AOAH: variants seen among roughly 807,000 people sequenced by gnomAD.
The protein encoded by AOAH is acyloxyacyl hydrolase (neutrophil).
AOAH carries 64 observed loss-of-function variants against 92.2 expected under a neutral mutation model. That is an observed-to-expected ratio of 0.69 (90% CI 0.57 to 0.86). The LOEUF is 0.86. Among genes scored for constraint, AOAH ranks in the 40% least tolerant of loss-of-function variants. AOAH has a pLI of 0.00. For missense variants in AOAH, 656 were observed against 694.6 expected, an observed-to-expected ratio of 0.94 and a Z score of 0.62; for synonymous variants, 263 against 254.5, an observed-to-expected ratio of 1.03 and a Z score of -0.32.
chr7:36,618,023 C>G (rs1405178907), intron 10 of AOAH, among the ~76,000 whole-genome samples: 1 of 152,182 alleles, frequency 6.6e-6, no homozygotes, highest in African/African-American at 2.4e-5. Flanking sequence ...TCCCATTGCT[C>G]TTTTATCCAT....
At chr7:36,621,859 G>C in intron 7 of AOAH, 79 bp from the exon 8 acceptor site, 1 of 1,230,282 alleles carries the variant, frequency 8.1e-7, no homozygotes, top group Non-Finnish European at 1.2e-6. Flanking sequence ...AGAGTTGTCT[G>C]AATGGCATTG....
chr7:36,601,319 C>T (rs1790566838), intron 11 of AOAH, among the ~76,000 whole-genome samples: 2 of 151,940 alleles, frequency 1.3e-5, no homozygotes, highest in Non-Finnish European at 2.9e-5. Context: ...TCCCTGTGGC[C>T]CTATGATTCA....
At chr7:36,568,396 A>AT (rs1787864832) in intron 13 of AOAH, among the ~76,000 whole-genome samples, 1 of 152,172 alleles carries the variant, frequency 6.6e-6, no homozygotes, top group Non-Finnish European at 1.5e-5. Flanking sequence ...AAAAAGGCAC[A>AT]TTTTGCAGGG....
At chr7:36,640,805 C>T (rs533478347) in intron 4 of AOAH, among the ~76,000 whole-genome samples, 12 of 152,176 alleles carry the variant, frequency 7.9e-5, no homozygotes, top group Non-Finnish European at 1.3e-4. Context: ...CTGGCTCCAA[C>T]CCTGGGCATC....
intron 15 of AOAH, among the ~76,000 whole-genome samples, chr7:36,546,010 G>T (rs904747307): frequency 6.6e-6 from 1 of 152,242 alleles, no homozygotes; most frequent in Admixed American, 6.5e-5. Context: ...TAGGAAAAGC[G>T]CAAAGGAAGC....
In AOAH at chr7:36,530,399, C is replaced by T. The variant is rs1475079124; in HGVS notation, c.1522+19G>A. On this transcript the variant is annotated intron_variant, in intron 19 of 20. Transcript: ENST00000617537. ...CTGCTGCTTTCATCTTCTGTCAATA[C>T]CCAAACAAAGCTACTTACTTTCATG... 24 of 1,559,514 alleles carry T rather than the reference C, an allele frequency of 1.5e-5. No homozygotes were observed. The highest frequency in any genetic ancestry group is 1.9e-5 in the Non-Finnish European group (22 of 1,130,634).
In AOAH at chr7:36,626,158, G is replaced by A. The variant is rs56175263; in HGVS notation, c.522-2908C>T. 4.1e-3 allele frequency among the ~76,000 whole-genome samples: 631 copies of A among 152,192 alleles called. 1 individual carries two copies. Among genetic ancestry groups the A allele is most frequent in the Non-Finnish European group, 6.9e-3 (467 of 68,026 alleles). On this transcript the variant is annotated intron_variant, in intron 6 of 20. Coordinates refer to ENST00000617537, the MANE Select transcript of AOAH (RefSeq NM_001637.4). ...ATAAAGAAAGAGAGCAAGAGCAAGA[G>A]ACAAAGACAGACAGATCAACAGAGA...
chr7:36,516,180 A>C lies in AOAH; in HGVS notation c.1600-2800T>G, dbSNP rs1248183696. 6.7e-6 allele frequency among the ~76,000 whole-genome samples: 1 copy of C among 148,640 alleles called. No individual in the cohort carries two copies. Among genetic ancestry groups the C allele is most frequent in the Non-Finnish European group, 1.5e-5 (1 of 66,890 alleles). Reference sequence around the variant, plus strand: ...ACACACACCACACACCCCATACCACACATACATACATCTCTCTTATATACA... The same window carrying C: ...ACACACACCACACACCCCATACCACCCATACATACATCTCTCTTATATACA... On this transcript the variant is annotated intron_variant, in intron 20 of 20. Transcript: ENST00000617537. The surrounding 1 kb of genome is among the most constrained non-coding windows in gnomAD (Gnocchi z 5.0).
At chr7:36,584,743 T>C (rs73344653) in intron 12 of AOAH, among the ~76,000 whole-genome samples, 36,068 of 152,114 alleles carry the variant, frequency 0.24, 5,428 homozygotes, top group African/African-American at 0.42. Flanking sequence ...CATCATGCAG[T>C]TGCTAATTCA....
At chr7:36,575,591 G>A (rs1029263118) in intron 13 of AOAH, among the ~76,000 whole-genome samples, 2 of 152,150 alleles carry the variant, frequency 1.3e-5, no homozygotes, top group South Asian at 4.1e-4. Flanking sequence ...GTCTGTTGTT[G>A]AAAGGATTAA....
chr7:36,568,417 G>C (rs17170635), intron 13 of AOAH, among the ~76,000 whole-genome samples: 1 of 151,888 alleles, frequency 6.6e-6, no homozygotes, highest in East Asian at 1.9e-4. Context: ...AAATATTTTG[G>C]TGCCTCTCAA....
intron 6 of AOAH, among the ~76,000 whole-genome samples, chr7:36,628,676 G>A (rs1208700018): frequency 6.6e-6 from 1 of 152,178 alleles, no homozygotes; most frequent in Non-Finnish European, 1.5e-5. Flanking sequence ...CGCGTCCCTG[G>A]GGTGGAGACA....
At chr7:36,666,907 C>G (rs1469917160) in intron 3 of AOAH, among the ~76,000 whole-genome samples, 1 of 152,046 alleles carries the variant, frequency 6.6e-6, no homozygotes, top group East Asian at 1.9e-4. Flanking sequence ...TAGTTTAATA[C>G]CAATGTTATC....
At chr7:36,723,487 G>A (rs767746755) in intron 1 of AOAH, among the ~76,000 whole-genome samples, 5 of 152,298 alleles carry the variant, frequency 3.3e-5, no homozygotes, top group Admixed American at 1.3e-4. Flanking sequence ...AGTCCTTACT[G>A]TGTGCACATG....
At chr7:36,636,470 A>G (rs997434232) in intron 5 of AOAH, among the ~76,000 whole-genome samples, 10 of 152,244 alleles carry the variant, frequency 6.6e-5, no homozygotes, top group Non-Finnish European at 1.0e-4. Context: ...AGAATAAAAT[A>G]CCAATTGTAT....
chr7:36,693,309 A>C (rs1343225435), intron 1 of AOAH, among the ~76,000 whole-genome samples: 2 of 152,230 alleles, frequency 1.3e-5, no homozygotes, highest in Non-Finnish European at 2.9e-5. Flanking sequence ...TAAATATTAC[A>C]GTGGAACTGT....
At position 36,622,812 on chromosome 7, in the gene AOAH, G is replaced by A. The variant is rs542817152; in HGVS notation, c.582+378C>T. ...TGTAATCCCAGCACTTTGGGAGGCC[G>A]AGGTGGACAGATCACTTGAAGTCAG... is the stretch of plus-strand genomic sequence containing the variant. On this transcript the variant is annotated intron_variant, in intron 7 of 20. Transcript: ENST00000617537. Among the ~76,000 whole-genome samples, 265 of 152,184 alleles carry A rather than the reference G, an allele frequency of 1.7e-3. 1 individual carries two copies. Among genetic ancestry groups the A allele is most frequent in the Non-Finnish European group, 3.2e-3 (221 of 68,016 alleles).
chr7:36,515,025 C>T (rs1031296257), intron 20 of AOAH, among the ~76,000 whole-genome samples: 1 of 151,800 alleles, frequency 6.6e-6, no homozygotes, highest in African/African-American at 2.4e-5. Flanking sequence ...TAATCTCGGT[C>T]ATGTCCATGC....
chr7:36,643,082 G>A (rs17402583), intron 4 of AOAH, among the ~76,000 whole-genome samples: 60,413 of 152,054 alleles, frequency 0.4, 12,939 homozygotes, highest in African/African-American at 0.55. Context: ...AATGTCACCA[G>A]TAAACAACTG....
Sources: gnomAD v4.1 joint callset for allele counts (sites outside exome capture counted in the v4.1 genomes callset) on GRCh38, gnomAD v4.1.1 for gene constraint, Gnocchi (gnomAD v3.1) non-coding constraint, MANE v1.5 for transcripts, NCBI Gene and HGNC (gene_info 2026-07-23, HGNC 2026-07-21) for gene names.